The following EPHA4 variants were observed in gnomAD, a reference collection of about 807,000 sequenced individuals.
The protein encoded by EPHA4 is ephrin type-A receptor 4.
EPHA4 carries 19 observed loss-of-function variants against 108.3 expected under a neutral mutation model. The observed-to-expected ratio is 0.18, with a 90% CI of 0.12 to 0.26. The LOEUF (loss-of-function observed/expected upper bound fraction) is 0.26, where lower values mean the gene tolerates loss of function less well. EPHA4 is among the 10% of genes least tolerant of loss of function. The pLI is 1.00. For synonymous variants in EPHA4, 449 were observed against 455.5 expected (o/e 0.99, Z 0.18); for missense variants, 917 against 1,254.0 (o/e 0.73, Z 4.06).
At chr2:221,570,356 G>T (rs929055932) in intron 1 of EPHA4, among the ~76,000 whole-genome samples, 1 of 151,552 alleles carries the variant, frequency 6.6e-6, no homozygotes, top group Non-Finnish European at 1.5e-5. Flanking sequence ...AAAAAAGAAA[G>T]AAAACAGTCT....
intron 3 of EPHA4, among the ~76,000 whole-genome samples, chr2:221,542,431 C>A (rs1464743128): frequency 1.3e-5 from 2 of 152,116 alleles, no homozygotes; most frequent in African/African-American, 4.8e-5. Context: ...GCAATCAATG[C>A]ATTGAACTCA....
intron 8 of EPHA4, among the ~76,000 whole-genome samples, chr2:221,452,494 A>G (rs1690817121): frequency 6.6e-6 from 1 of 152,248 alleles, no homozygotes; most frequent in Non-Finnish European, 1.5e-5. Context: ...AAGATAACAG[A>G]GCAGACAACC....
Position 221,501,009 on chromosome 2 carries a change from C to G in EPHA4, c.979+8G>C. On this transcript the variant is annotated splice_region_variant and intron_variant, in intron 4 of 17. Transcript: ENST00000281821. ...ATCACAGGAATGAGAGACAAGCATA[C>G]AACTTACGGGTGCAGGGCATAGAGG... 1.3e-6 allele frequency: 2 copies of G among 1,586,058 alleles called. No homozygotes were observed. Among genetic ancestry groups the G allele is most frequent in the Non-Finnish European group, 1.7e-6 (2 of 1,168,030 alleles).
At chr2:221,471,466 A>G (rs887368484) in intron 5 of EPHA4, among the ~76,000 whole-genome samples, 2 of 152,192 alleles carry the variant, frequency 1.3e-5, no homozygotes, top group South Asian at 4.1e-4. Context: ...ACTGGAGGAA[A>G]GCTCCTGCAC....
intron 3 of EPHA4, among the ~76,000 whole-genome samples, chr2:221,536,843 C>T (rs975837387): frequency 6.6e-6 from 1 of 152,196 alleles, no homozygotes; most frequent in African/African-American, 2.4e-5. Context: ...CTTAGCTTCT[C>T]TGGGCTTTAG....
intron 17 of EPHA4, among the ~76,000 whole-genome samples, 181 bp from the exon 18 acceptor site, chr2:221,420,733 C>CAA (rs201830175): frequency 0.16 from 24,793 of 151,350 alleles, 2,222 homozygotes; most frequent in African/African-American, 0.22. Flanking sequence ...ATTATAAGAG[C>CAA]AAAAAAAACC....
intron 5 of EPHA4, among the ~76,000 whole-genome samples, chr2:221,459,552 C>T (rs1048907119): frequency 2.0e-5 from 3 of 151,464 alleles, no homozygotes; most frequent in African/African-American, 7.3e-5. Context: ...CTTCTCCCAA[C>T]ACACACACAG....
chr2:221,524,651 T>A (rs1402726412), intron 3 of EPHA4, among the ~76,000 whole-genome samples: 3 of 152,240 alleles, frequency 2.0e-5, no homozygotes, highest in African/African-American at 7.2e-5. Context: ...ATTTACCAAA[T>A]GCTTAATCAT....
chr2:221,455,631 G>A lies in EPHA4; in HGVS notation c.1631C>T (p.Ala544Val), dbSNP rs1449240150. ...TVPSRIIGDG[A>V]NSTVLLVSVS... ...AGAGACCAGAAGGACTGTGGAGTTAGCCCCATCTCCAATGATCCGGGAAGG... is the reference window on the plus strand; with the variant it reads ...AGAGACCAGAAGGACTGTGGAGTTAACCCCATCTCCAATGATCCGGGAAGG... Residue 544 changes from alanine to valine, a missense_variant, in exon 8 of 18, where the codon GCT becomes GTT. By Grantham distance (64) the Ala-to-Val change is moderately conservative. Transcript: ENST00000281821. 1 of 1,613,796 alleles carries A rather than the reference G, an allele frequency of 6.2e-7. No individual in the cohort carries two copies. The highest frequency in any genetic ancestry group is 1.1e-5 in the South Asian group (1 of 91,062).
intron 8 of EPHA4, among the ~76,000 whole-genome samples, chr2:221,455,054 A>G (rs980880037): frequency 6.6e-6 from 1 of 152,182 alleles, no homozygotes; most frequent in South Asian, 2.1e-4. Context: ...TGTGTGCTGT[A>G]TTATCTATTT....
rs1693094588 is a variant in EPHA4, at chr2:221,519,495, G to A, written c.824-18323C>T. ...TGAGATGAGAAAGGGGCAATTAACA[G>A]TGAGAAAACCCAGTTCCTTTCCTTC... On this transcript the variant is annotated intron_variant, in intron 3 of 17. Transcript: ENST00000281821. Among the ~76,000 whole-genome samples the A allele has an allele frequency of 2.0e-5, 3 of 152,240 alleles. No individual in the cohort carries two copies. In the South Asian group the frequency reaches 6.2e-4, roughly 31 times the overall value.
At chr2:221,545,551 CT>C (rs1693970851) in intron 3 of EPHA4, among the ~76,000 whole-genome samples, 1 of 152,220 alleles carries the variant, frequency 6.6e-6, no homozygotes, top group African/African-American at 2.4e-5. Context: ...ATATATTCTA[CT>C]TTCAGCAAGT....
At chr2:221,543,284 T>C (rs1693892168) in intron 3 of EPHA4, among the ~76,000 whole-genome samples, 1 of 152,224 alleles carries the variant, frequency 6.6e-6, no homozygotes, top group African/African-American at 2.4e-5. Flanking sequence ...GAAAACTCTG[T>C]AGCCATTAAA....
chr2:221,448,551 A>AC (rs1400925232), intron 8 of EPHA4, among the ~76,000 whole-genome samples: 1 of 151,632 alleles, frequency 6.6e-6, no homozygotes, highest in African/African-American at 2.4e-5. Flanking sequence ...CTCTCCCTCC[A>AC]CCCCCGTCCT....
intron 3 of EPHA4, among the ~76,000 whole-genome samples, chr2:221,519,222 T>C (rs924428576): frequency 5.3e-5 from 8 of 152,128 alleles, no homozygotes; most frequent in African/African-American, 1.2e-4. Context: ...ATAAATGTAG[T>C]TTTAAACACT....
intron 3 of EPHA4, among the ~76,000 whole-genome samples, chr2:221,536,590 C>T (rs1331227360): frequency 6.6e-6 from 1 of 152,196 alleles, no homozygotes; most frequent in Non-Finnish European, 1.5e-5. Context: ...TGAAGTCATT[C>T]TTCAGAAAAT....
chr2:221,499,311 G>C (rs1300207315), intron 4 of EPHA4, among the ~76,000 whole-genome samples: 2 of 150,606 alleles, frequency 1.3e-5, no homozygotes, highest in East Asian at 3.9e-4. Context: ...CCAAGGTAGG[G>C]TGTGATCTTG....
intron 3 of EPHA4, among the ~76,000 whole-genome samples, chr2:221,509,377 C>A (rs572463934): frequency 6.6e-6 from 1 of 152,182 alleles, no homozygotes; most frequent in African/African-American, 2.4e-5. Flanking sequence ...TTAGTTATTT[C>A]GAGATTTTTT....
At position 221,443,501 on chromosome 2, in the gene EPHA4, A is replaced by G. The variant is rs773524736; in HGVS notation, c.1880T>C (p.Ile627Thr). The change falls in exon 10 of 18, where the codon ATA becomes ACA. Residue 627 changes from isoleucine to threonine, a missense_variant. Ile to Thr is a moderately conservative substitution (Grantham distance 89). Around this residue, in one of 3 missense-constraint regions of EPHA4, gnomAD observed 758 missense variants for 1,076.7 expected, o/e 0.70. Coordinates refer to ENST00000281821, the MANE Select transcript of EPHA4 (RefSeq NM_004438.5). ...DASCIKIEKV[I>T]GVGEFGEVCS... ...GACACTCAGACACTTACCAACTCCT[A>G]TAACTTTTTCAATCTTAATGCAGGA... 1.9e-6 allele frequency: 3 copies of G among 1,613,258 alleles called. No individual in the cohort carries two copies. The highest frequency in any genetic ancestry group is 2.7e-5 in the African/African-American group (2 of 74,832).
Sources: gnomAD v4.1 joint callset for allele counts (sites outside exome capture counted in the v4.1 genomes callset) on GRCh38, gnomAD v4.1.1 for gene constraint, gnomAD v4.1.1 regional missense constraint, MANE v1.5 for transcripts, NCBI Gene and HGNC (gene_info 2026-07-23, HGNC 2026-07-21) for gene names.